The following RUSC1 variants were observed in gnomAD, a reference collection of about 807,000 sequenced individuals.
RUSC1 encodes RUN and SH3 domain containing 1, also known as AP-4 complex accessory subunit RUSC1.
RUSC1 carries 40 observed loss-of-function variants against 72.1 expected under a neutral mutation model. The ratio of observed to expected loss-of-function variants is 0.55; its 90% confidence interval spans 0.43 to 0.72. The LOEUF is 0.72. Ranked by LOEUF, RUSC1 falls within the 30% of genes least tolerant of loss-of-function variation. RUSC1 has a pLI of 0.00. For synonymous variants in RUSC1, 512 were observed against 494.2 expected (o/e 1.04, Z -0.48); for missense variants, 1,092 against 1,172.3 (o/e 0.93, Z 1.00).
chr1:155,326,458 C>G lies in RUSC1; in HGVS notation c.1862-122C>G. On this transcript the variant is annotated intron_variant, in intron 7 of 9. Transcript: ENST00000368352. The surrounding 1 kb of genome is among the most constrained non-coding windows in gnomAD (Gnocchi z 4.7). ...TATAGCCCACCACATCCTTCCTCCT[C>G]TCTGCCCCAGTGCCCAGCAGAGTGA... 2.0e-6 allele frequency: 2 copies of G among 1,020,080 alleles called. No homozygotes were observed. Among genetic ancestry groups the G allele is most frequent in the Non-Finnish European group, 2.8e-6 (2 of 707,002 alleles). 63.2% of individuals were successfully genotyped at this position (1,020,080 alleles called of 1,614,324 possible). A position where few individuals can be genotyped will look rare whatever the true frequency, so the allele number is the denominator to read the frequency against.
Position 155,325,036 on chromosome 1 carries a change from C to A in RUSC1, c.1457-66C>A. ...AGGCTGTCCGAAGGCAGTCTCTCCA[C>A]GCCCCTCGGGCAAGCCTGGGTAGGG... On this transcript the variant is annotated intron_variant, in intron 3 of 9. Coordinates refer to ENST00000368352, the MANE Select transcript of RUSC1 (RefSeq NM_001105203.2). The surrounding 1 kb of genome is among the most constrained non-coding windows in gnomAD (Gnocchi z 6.5). 1 of 1,614,004 alleles carries A rather than the reference C, an allele frequency of 6.2e-7. No homozygotes were observed.
rs1397397432 is a variant in RUSC1 at position 155,325,663 on chromosome 1, G to C, written c.1805G>C (p.Gly602Ala). Residue 602 changes from glycine to alanine, a missense_variant, in exon 6 of 10, where the codon GGC becomes GCC. Gly to Ala is a moderately conservative substitution (Grantham distance 60, BLOSUM62 0). Transcript: ENST00000368352. This position sits in a 1 kb window ranked among gnomAD's most constrained non-coding sequence, Gnocchi z 6.5. ...SRSRFHAFIL[G>A]LLNTKQLELW... Reference sequence around the variant, plus strand: ...AGCCGCTTCCATGCCTTTATCCTGGGCCTCCTCAAGTGAGTTGCCTTCTTT... The same window carrying C: ...AGCCGCTTCCATGCCTTTATCCTGGCCCTCCTCAAGTGAGTTGCCTTCTTT... The C allele has an allele frequency of 1.2e-6, 2 of 1,613,718 alleles. No individual in the cohort carries two copies. Among genetic ancestry groups the C allele is most frequent in the East Asian group, 2.2e-5 (1 of 44,876 alleles).
At position 155,325,231 on chromosome 1, in the gene RUSC1, C is replaced by CG. The variant is rs767608769; in HGVS notation, c.1533+59dup. 1 of 1,612,866 alleles carries CG rather than the reference C, an allele frequency of 6.2e-7. No homozygotes were observed. Among genetic ancestry groups the CG allele is most frequent in the Non-Finnish European group, 8.5e-7 (1 of 1,179,948 alleles). On this transcript the variant is annotated intron_variant, in intron 4 of 9. Coordinates refer to ENST00000368352, the MANE Select transcript of RUSC1 (RefSeq NM_001105203.2). This position sits in a 1 kb window ranked among gnomAD's most constrained non-coding sequence, Gnocchi z 6.5. The stretch of plus-strand genomic sequence containing the variant: ...GGATGAGGAGAGTAATGGAGCTCCG[C>CG]GGGGGGTGCGGGAATGGTTGGCGGG...
In RUSC1 at chr1:155,328,146, T is replaced by G; in HGVS notation, c.2415-4T>G. ...GAGCTGTGACCCTATGTCCCTTCTTTTAGGAGACCATCTAGCTGGCTGCCC... is the reference window on the plus strand; with the variant it reads ...GAGCTGTGACCCTATGTCCCTTCTTGTAGGAGACCATCTAGCTGGCTGCCC... On this transcript the variant is annotated splice_polypyrimidine_tract_variant and splice_region_variant and intron_variant, in intron 8 of 9. Transcript: ENST00000368352. 6.2e-7 allele frequency: 1 copy of G among 1,612,164 alleles called. No homozygotes were observed. The highest frequency in any genetic ancestry group is 1.1e-5 in the South Asian group (1 of 90,344).
Position 155,326,645 on chromosome 1 carries a change from C to T in RUSC1, c.1927C>T (p.Leu643=). 1 of 1,614,046 alleles carries T rather than the reference C, an allele frequency of 6.2e-7. No homozygotes were observed. Among genetic ancestry groups the T allele is most frequent in the Non-Finnish European group, 8.5e-7 (1 of 1,180,036 alleles). ...CCTGGCCCGCGGTGGTTGTCCCTCCCTGTCCACAGAGCTGCTGCTCCTGCT... is the reference window on the plus strand; with the variant it reads ...CCTGGCCCGCGGTGGTTGTCCCTCCTTGTCCACAGAGCTGCTGCTCCTGCT... ...FSLARGGCPS[L]STELLLLLQP... Residue 643 remains leucine (L), a synonymous_variant, in exon 8 of 10, where the codon CTG becomes TTG. Transcript: ENST00000368352. This position sits in a 1 kb window ranked among gnomAD's most constrained non-coding sequence, Gnocchi z 4.7.
Position 155,322,356 on chromosome 1 carries a change from G to C in RUSC1, c.583G>C (p.Gly195Arg), listed in dbSNP as rs1418856318. 3.1e-6 allele frequency: 5 copies of C among 1,613,576 alleles called. No homozygotes were observed. The Admixed American group carries it at 8.3e-5, about 27-fold the overall frequency. The stretch of plus-strand genomic sequence containing the variant: ...CACCTGCCAGGACGTCCCTTCCCCA[G>C]GCTTGGAGGAAGAGGACGAGAGGGC... The part of the protein sequence containing the change: ...LTTCQDVPSP[G>R]LEEEDERAEQ... Residue 195 changes from glycine (G) to arginine (R), a missense_variant, in exon 2 of 10, where the codon GGC (glycine) becomes CGC (arginine). By Grantham distance (125) the Gly-to-Arg change is moderately radical. Coordinates refer to ENST00000368352, the MANE Select transcript of RUSC1 (RefSeq NM_001105203.2).
rs775081410 is a variant in RUSC1 at position 155,325,913 on chromosome 1, C to G, written c.1861+3C>G. On this transcript the variant is annotated splice_donor_region_variant and intron_variant, in intron 7 of 9. Coordinates refer to ENST00000368352, the MANE Select transcript of RUSC1 (RefSeq NM_001105203.2). The surrounding 1 kb of genome is among the most constrained non-coding windows in gnomAD (Gnocchi z 6.5). ...TTCCAGTCTCCAGGAAGATGCAGGT[C>G]AGAGGTTCAGATGGTAGAGGATGGG... The G allele has an allele frequency of 1.9e-6, 3 of 1,614,114 alleles. No homozygotes were observed. In the Admixed American group the frequency reaches 5.0e-5, roughly 27 times the overall value.
chr1:155,327,168 ACT>A (rs750320895), intron 8 of RUSC1, 36 bp downstream of exon 8: 394 of 1,540,594 alleles, frequency 2.6e-4, no homozygotes, highest in Admixed American at 1.1e-3. Context: ...TGACCTTCTG[ACT>A]CTCTCAGATC....
chr1:155,324,740 G>A (rs536765741), intron 2 of RUSC1, 105 bp from the exon 3 acceptor site: 1 of 1,592,314 alleles, frequency 6.3e-7, no homozygotes, highest in South Asian at 1.1e-5. Context: ...AAGACCCTTC[G>A]GGGACACAGC....
chr1:155,327,172 T>G (rs1480387907), intron 8 of RUSC1, 40 bp downstream of exon 8: 1 of 1,529,156 alleles, frequency 6.5e-7, no homozygotes, highest in South Asian at 1.3e-5. Context: ...CTTCTGACTC[T>G]CTCAGATCTC....
chr1:155,321,443 CG>C, intron 1 of RUSC1: 1 of 1,425,478 alleles, frequency 7.0e-7, no homozygotes, highest in Non-Finnish European at 9.4e-7. Flanking sequence ...CGCCCCCCTT[CG>C]GAGATCCAGA....
chr1:155,321,867 C>T lies in RUSC1; in HGVS notation c.94C>T (p.Leu32=). 6.2e-7 allele frequency: 1 copy of T among 1,613,648 alleles called. No homozygotes were observed. Among genetic ancestry groups the T allele is most frequent in the South Asian group, 1.1e-5 (1 of 91,072 alleles). ...CCTGCACTTGTCCCGCCGTCCTGAG[C>T]TACAGGAGGGGCCTTTGAGCACACC... ...LGLHLSRRPE[L]QEGPLSTPPP... Residue 32 remains leucine, a synonymous_variant, in exon 2 of 10, where the codon CTA becomes TTA. Coordinates refer to ENST00000368352, the MANE Select transcript of RUSC1 (RefSeq NM_001105203.2).
intron 9 of RUSC1, among the ~76,000 whole-genome samples, chr1:155,328,793 TTTCACCATGTTCGCCGG>T (rs1283726783): frequency 6.6e-6 from 1 of 152,068 alleles, no homozygotes; most frequent in Non-Finnish European, 1.5e-5. Flanking sequence ...GAGACCGGGG[TTTCACCATGTTCGCCGG>T]GATGGTCTTG....
At chr1:155,324,976 C>T in intron 3 of RUSC1, 33 bp downstream of exon 3, 3 of 1,613,942 alleles carry the variant, frequency 1.9e-6, no homozygotes, top group East Asian at 4.5e-5. Flanking sequence ...CCCGCGCTTC[C>T]GAATAAACTG....
Position 155,325,808 on chromosome 1 carries a change from G to C in RUSC1, c.1815-56G>C. On this transcript the variant is annotated intron_variant, in intron 6 of 9. Coordinates refer to ENST00000368352, the MANE Select transcript of RUSC1 (RefSeq NM_001105203.2). This position sits in a 1 kb window ranked among gnomAD's most constrained non-coding sequence, Gnocchi z 6.5. ...AATCTCATCTCCCATCCTCCACCCAGAGAGGACTGGAGTCCTCCACCTCCC... is the reference window on the plus strand; with the variant it reads ...AATCTCATCTCCCATCCTCCACCCACAGAGGACTGGAGTCCTCCACCTCCC... The C allele has an allele frequency of 6.3e-7, 1 of 1,594,756 alleles. No homozygotes were observed. Among genetic ancestry groups the C allele is most frequent in the Non-Finnish European group, 8.6e-7 (1 of 1,162,606 alleles).
rs1557986520 is a variant in RUSC1 at position 155,320,960 on chromosome 1, C to T, written c.-118C>T. 1 of 1,557,154 alleles carries T rather than the reference C, an allele frequency of 6.4e-7. No individual in the cohort carries two copies. Among genetic ancestry groups the T allele is most frequent in the East Asian group, 2.4e-5 (1 of 40,886 alleles). Reference sequence around the variant, plus strand: ...GGGGACCGTGGGAGCCGCGGACAAGCCCAAGGCCGGAGCGGTTCCAGGAGG... The same window carrying T: ...GGGGACCGTGGGAGCCGCGGACAAGTCCAAGGCCGGAGCGGTTCCAGGAGG... On this transcript the variant is annotated 5_prime_UTR_variant, in exon 1 of 10. Transcript: ENST00000368352.
Position 155,327,045 on chromosome 1 carries a change from T to C in RUSC1, c.2327T>C (p.Met776Thr). ...AQERPLPTDEMAPGRGLWLGR... is the reference protein window; with the variant it reads ...AQERPLPTDETAPGRGLWLGR... ...GAGAGACCCCTGCCCACAGATGAGA[T>C]GGCACCAGGCAGGGGCCTCTGGTTG... The change falls in exon 8 of 10, where the codon ATG (methionine) becomes ACG (threonine). Residue 776 changes from methionine to threonine, a missense_variant. Met to Thr is a moderately conservative substitution (Grantham distance 81). Coordinates refer to ENST00000368352, the MANE Select transcript of RUSC1 (RefSeq NM_001105203.2). The C allele has an allele frequency of 6.2e-7, 1 of 1,613,430 alleles. No homozygotes were observed. The highest frequency in any genetic ancestry group is 8.5e-7 in the Non-Finnish European group (1 of 1,180,008).
rs1009873994 is a variant in RUSC1 at position 155,328,982 on chromosome 1, C to T, written c.2540+707C>T. ...TCCTGACCTCAGGTGATCCACCCAC[C>T]TCAGCCTCCCAAAGTATTGGGATTA... On this transcript the variant is annotated intron_variant, in intron 9 of 9. Transcript: ENST00000368352. 2.0e-5 allele frequency among the ~76,000 whole-genome samples: 3 copies of T among 152,186 alleles called. No homozygotes were observed. The East Asian group carries it at 5.8e-4, about 29-fold the overall frequency.
In RUSC1 at chr1:155,330,462, G is replaced by C; in HGVS notation, c.2600G>C (p.Arg867Pro). The C allele has an allele frequency of 6.2e-7, 1 of 1,613,786 alleles. No homozygotes were observed. Among genetic ancestry groups the C allele is most frequent in the African/African-American group, 1.3e-5 (1 of 75,002 alleles). Reference sequence around the variant, plus strand: ...AGACCTGACCAGTTGAGCTTCCGGCGTGGGGAAGTGCTGCGTGTCATCACC... The same window carrying C: ...AGACCTGACCAGTTGAGCTTCCGGCCTGGGGAAGTGCTGCGTGTCATCACC... ...AARPDQLSFR[R>P]GEVLRVITTV... The change falls in exon 10 of 10, where the codon CGT becomes CCT. Residue 867 changes from arginine (R) to proline (P), a missense_variant. By Grantham distance (103) the Arg-to-Pro change is moderately radical. Coordinates refer to ENST00000368352, the MANE Select transcript of RUSC1 (RefSeq NM_001105203.2).
Sources: gnomAD v4.1 joint callset for allele counts (sites outside exome capture counted in the v4.1 genomes callset) on GRCh38, gnomAD v4.1.1 for gene constraint, Gnocchi (gnomAD v3.1) non-coding constraint, MANE v1.5 for transcripts, NCBI Gene and HGNC (gene_info 2026-07-23, HGNC 2026-07-21) for gene names.